The following CADM2 variants were observed in gnomAD, a reference collection of about 807,000 sequenced individuals.
The protein encoded by CADM2 is cell adhesion molecule 2.
In CADM2, 12 loss-of-function variants were observed where a neutral mutation model predicts 49.8. The ratio of observed to expected loss-of-function variants is 0.24; its 90% CI spans 0.15 to 0.39. The LOEUF is 0.39. CADM2 is among the 10% of genes least tolerant of loss of function. CADM2 has a pLI of 1.00. For synonymous variants in CADM2, 214 were observed against 175.4 expected, an observed-to-expected ratio of 1.22 and a Z score of -1.74; for missense variants, 378 against 492.3, an observed-to-expected ratio of 0.77 and a Z score of 2.20.
intron 1 of CADM2, among the ~76,000 whole-genome samples, chr3:85,349,326 T>C (rs2031100542): frequency 2.0e-5 from 3 of 152,244 alleles, no homozygotes; most frequent in African/African-American, 7.2e-5. Context: ...ATCTGTTCTG[T>C]TTCTTCGTGT....
rs1248134221 is a variant in CADM2 at position 85,491,895 on chromosome 3, T to C, written c.62-234627T>C. Among the ~76,000 whole-genome samples, 4 of 149,440 alleles carry C rather than the reference T, an allele frequency of 2.7e-5. No individual in the cohort carries two copies. In the East Asian group the frequency reaches 6.0e-4, roughly 22 times the overall value. On this transcript the variant is annotated intron_variant, in intron 1 of 9. Transcript: ENST00000383699. ...TGAATCGGGCAGGCGGAGCTTGCAG[T>C]GAGCGGAGATCGCGCCACTGCACTC...
intron 1 of CADM2, among the ~76,000 whole-genome samples, chr3:85,326,410 T>C (rs1249861893): frequency 6.6e-6 from 1 of 152,196 alleles, no homozygotes; most frequent in Non-Finnish European, 1.5e-5. Flanking sequence ...TAGTCTTTCA[T>C]AAAAGTGTAC....
chr3:86,066,630 A>G, intron 9 of CADM2, 35 bp from the exon 10 acceptor site: 2 of 1,457,792 alleles, frequency 1.4e-6, no homozygotes, highest in Non-Finnish European at 1.9e-6. Flanking sequence ...TACCAGTCTC[A>G]CAGAGCTAAC....
At chr3:85,568,672 G>C (rs1276168855) in intron 1 of CADM2, among the ~76,000 whole-genome samples, 1 of 140,256 alleles carries the variant, frequency 7.1e-6, no homozygotes, top group South Asian at 2.3e-4. Flanking sequence ...GCAGGATCTC[G>C]GCTCACTGCA....
intron 1 of CADM2, among the ~76,000 whole-genome samples, chr3:85,690,321 G>T (rs1340499855): frequency 6.8e-6 from 1 of 146,604 alleles, no homozygotes; most frequent in East Asian, 1.9e-4. Context: ...TTTAATATTT[G>T]GTAAAAGTTT....
At chr3:85,027,535 A>G (rs2034791738) in intron 1 of CADM2, among the ~76,000 whole-genome samples, 1 of 152,032 alleles carries the variant, frequency 6.6e-6, no homozygotes, top group Admixed American at 6.6e-5. Context: ...AAACTTGACT[A>G]CCACTTTTAT....
intron 1 of CADM2, among the ~76,000 whole-genome samples, chr3:85,527,608 A>C (rs2106933786): frequency 6.6e-6 from 1 of 151,992 alleles, no homozygotes; most frequent in Non-Finnish European, 1.5e-5. Context: ...TGAAAAAAAA[A>C]ATCAAAATGC....
chr3:85,552,554 G>C (rs548062074), intron 1 of CADM2, among the ~76,000 whole-genome samples: 1 of 151,592 alleles, frequency 6.6e-6, no homozygotes, highest in East Asian at 1.9e-4. Context: ...CTAATTTTTT[G>C]TATGTTTAGT....
At chr3:85,336,848 G>C (rs776167935) in intron 1 of CADM2, among the ~76,000 whole-genome samples, 31 of 146,484 alleles carry the variant, frequency 2.1e-4, no homozygotes, top group Non-Finnish European at 3.5e-4. Context: ...AACATACCAA[G>C]AGGGGTAGTT....
chr3:86,011,162 G>A (rs150746009), intron 8 of CADM2, among the ~76,000 whole-genome samples: 120 of 152,062 alleles, frequency 7.9e-4, no homozygotes, highest in African/African-American at 2.7e-3. Context: ...AGACAGCACA[G>A]AGAAAGAAAA....
chr3:85,353,056 C>T (rs1479144673), intron 1 of CADM2, among the ~76,000 whole-genome samples: 1 of 152,104 alleles, frequency 6.6e-6, no homozygotes, highest in Non-Finnish European at 1.5e-5. Flanking sequence ...TTCACTTGAT[C>T]TGTAGAGTGA....
chr3:85,833,029 T>C (rs866586118), intron 3 of CADM2, among the ~76,000 whole-genome samples: 4 of 152,086 alleles, frequency 2.6e-5, no homozygotes, highest in South Asian at 2.1e-4. Flanking sequence ...TGTTGAATTT[T>C]ATCAAAAGCA....
intron 1 of CADM2, among the ~76,000 whole-genome samples, chr3:85,122,292 T>C (rs2038891146): frequency 1.3e-5 from 2 of 152,216 alleles, no homozygotes; most frequent in Admixed American, 6.5e-5. Context: ...TAATTAAACA[T>C]GAAAAGTGAA....
At chr3:85,393,089 TAAAA>T (rs781046665) in intron 1 of CADM2, among the ~76,000 whole-genome samples, 6 of 128,394 alleles carry the variant, frequency 4.7e-5, no homozygotes, top group Non-Finnish European at 8.2e-5. Flanking sequence ...GTAAACTCTT[TAAAA>T]AAAAAAAAAA....
At chr3:85,821,879 TA>T (rs1038430989) in intron 3 of CADM2, among the ~76,000 whole-genome samples, 3 of 152,132 alleles carry the variant, frequency 2.0e-5, no homozygotes, top group South Asian at 2.1e-4. Flanking sequence ...AAATATAACA[TA>T]AAAAATAAAA....
intron 1 of CADM2, among the ~76,000 whole-genome samples, chr3:85,362,716 A>G (rs2032449213): frequency 6.6e-6 from 1 of 152,160 alleles, no homozygotes; most frequent in South Asian, 2.1e-4. Context: ...GTAGATTGGA[A>G]CTTTATTCTA....
chr3:85,178,486 TG>T (rs2040842541), intron 1 of CADM2, among the ~76,000 whole-genome samples: 1 of 152,018 alleles, frequency 6.6e-6, no homozygotes, highest in South Asian at 2.1e-4. Context: ...TACACTGTAC[TG>T]TTTGTAAAAA....
At chr3:85,436,045 T>C (rs1442245650) in intron 1 of CADM2, among the ~76,000 whole-genome samples, 5 of 152,176 alleles carry the variant, frequency 3.3e-5, no homozygotes, top group Non-Finnish European at 5.9e-5. Context: ...CATTTGTCAA[T>C]TTTGGCTTTT....
At chr3:85,373,567 A>T (rs1237050735) in intron 1 of CADM2, among the ~76,000 whole-genome samples, 1 of 151,910 alleles carries the variant, frequency 6.6e-6, no homozygotes, top group African/African-American at 2.4e-5. Flanking sequence ...CTCAGTGGAG[A>T]GTCTGTGTGG....
Sources: gnomAD v4.1 joint callset for allele counts (sites outside exome capture counted in the v4.1 genomes callset) on GRCh38, gnomAD v4.1.1 for gene constraint, MANE v1.5 for transcripts, NCBI Gene and HGNC (gene_info 2026-07-23, HGNC 2026-07-21) for gene names.